The following BBS9 variants were observed in gnomAD, a reference collection of about 807,000 sequenced individuals.
BBS9 encodes Bardet-Biedl syndrome 9.
BBS9 carries 89 observed loss-of-function variants against 117.7 expected under a neutral mutation model. That is an observed-to-expected ratio of 0.76 (90% CI 0.64 to 0.90). The LOEUF (loss-of-function observed/expected upper bound fraction) is 0.90, where lower values mean the gene tolerates loss of function less well. BBS9 is among the 40% of genes least tolerant of loss of function. The probability of loss-of-function intolerance (pLI) is 0.00; values close to 1 mark genes in which losing one functional copy is unlikely to be tolerated. For synonymous variants in BBS9, 379 were observed against 370.9 expected, an observed-to-expected ratio of 1.02 and a Z score of -0.25; for missense variants, 982 against 1,042.2, an observed-to-expected ratio of 0.94 and a Z score of 0.80.
intron 19 of BBS9, among the ~76,000 whole-genome samples, chr7:33,408,034 C>T (rs1830373947): frequency 1.3e-5 from 2 of 152,214 alleles, no homozygotes; most frequent in African/African-American, 4.8e-5. Flanking sequence ...TGCCCTGCCC[C>T]CAGAGGTGGA....
intron 17 of BBS9, among the ~76,000 whole-genome samples, chr7:33,377,644 G>C (rs1234824773): frequency 6.6e-6 from 1 of 152,046 alleles, no homozygotes; most frequent in African/African-American, 2.4e-5. Flanking sequence ...GATTCTTCCT[G>C]TTCATGAGCA....
chr7:33,359,706 G>GT (rs1258392930), intron 16 of BBS9, among the ~76,000 whole-genome samples: 6 of 151,630 alleles, frequency 4.0e-5, no homozygotes, highest in African/African-American at 1.2e-4. Context: ...TTCTGTGTCT[G>GT]TTTTTTTTAA....
chr7:33,609,712 T>C (rs1864764454), downstream of BBS9, among the ~76,000 whole-genome samples: 1 of 152,148 alleles, frequency 6.6e-6, no homozygotes, highest in African/African-American at 2.4e-5. Context: ...TTTATGCTTC[T>C]GGTGCCAGGC....
intron 19 of BBS9, among the ~76,000 whole-genome samples, chr7:33,452,465 A>AG (rs1563196527): frequency 6.6e-6 from 1 of 152,176 alleles, no homozygotes; most frequent in Non-Finnish European, 1.5e-5. Flanking sequence ...AAAGTGCTGT[A>AG]TATCCTCACT....
At chr7:33,284,824 A>G (rs569792220) in intron 9 of BBS9, among the ~76,000 whole-genome samples, 3 of 152,128 alleles carry the variant, frequency 2.0e-5, no homozygotes, top group Admixed American at 6.5e-5. Context: ...GGTCTTTTCT[A>G]TGTCTACAGT....
At chr7:33,308,886 A>G (rs144269910) in intron 9 of BBS9, among the ~76,000 whole-genome samples, 131 of 152,334 alleles carry the variant, frequency 8.6e-4, no homozygotes, top group African/African-American at 3.0e-3. Flanking sequence ...AAAGAAAATG[A>G]AGCATTTTTA....
At chr7:33,516,647 T>TCTTGGAGTA (rs1287033542) in intron 20 of BBS9, among the ~76,000 whole-genome samples, 2 of 152,194 alleles carry the variant, frequency 1.3e-5, no homozygotes, top group Non-Finnish European at 2.9e-5. Context: ...TGACTTCCTA[T>TCTTGGAGTA]CTTGGAGTAG....
In BBS9 at chr7:33,550,032, G is replaced by T. The variant is rs187770446; in HGVS notation, c.2521+15856G>T. Among the ~76,000 whole-genome samples, 27 of 143,382 alleles carry T rather than the reference G, an allele frequency of 1.9e-4. No homozygotes were observed. The East Asian group carries it at 5.1e-3, about 27-fold the overall frequency. 94.1% of individuals were successfully genotyped at this position (143,382 alleles called of 152,430 possible). The stretch of plus-strand genomic sequence containing the variant: ...GGCTCTAAAAATAAAATCATGAAGG[G>T]ATTTCTACTGATTCATATAACAATT... On this transcript the variant is annotated intron_variant, in intron 21 of 22. Transcript: ENST00000242067.
chr7:33,190,571 C>A (rs1783956912), intron 5 of BBS9, among the ~76,000 whole-genome samples: 2 of 152,150 alleles, frequency 1.3e-5, no homozygotes, highest in Admixed American at 1.3e-4. Flanking sequence ...GTGATCAGAT[C>A]TGGTTTCTCT....
intron 19 of BBS9, among the ~76,000 whole-genome samples, chr7:33,405,905 A>G (rs572696866): frequency 6.6e-6 from 1 of 151,374 alleles, no homozygotes; most frequent in African/African-American, 2.4e-5. Context: ...TGTGTTTGCT[A>G]TTGCTTTTCT....
chr7:33,404,229 C>T (rs1475157666), intron 19 of BBS9, among the ~76,000 whole-genome samples: 1 of 152,048 alleles, frequency 6.6e-6, no homozygotes, highest in Non-Finnish European at 1.5e-5. Context: ...CAGTACCATG[C>T]TGTTTTGGTT....
intron 7 of BBS9, among the ~76,000 whole-genome samples, chr7:33,267,827 A>G (rs1799084483): frequency 1.3e-5 from 2 of 152,176 alleles, no homozygotes; most frequent in Admixed American, 6.5e-5. Flanking sequence ...GTATAATTCC[A>G]TCTTTCCATC....
At chr7:33,165,297 A>G (rs1245617927) in intron 4 of BBS9, among the ~76,000 whole-genome samples, 5 of 151,976 alleles carry the variant, frequency 3.3e-5, no homozygotes, top group Non-Finnish European at 7.4e-5. Context: ...GAATCTGACA[A>G]TTATGTGTCT....
chr7:33,215,229 C>G (rs1416517255), intron 5 of BBS9, among the ~76,000 whole-genome samples: 1 of 152,144 alleles, frequency 6.6e-6, no homozygotes, highest in Non-Finnish European at 1.5e-5. Flanking sequence ...CATCGCACTA[C>G]TTGACTTCAA....
At chr7:33,180,870 C>T (rs934798272) in intron 5 of BBS9, among the ~76,000 whole-genome samples, 1 of 151,902 alleles carries the variant, frequency 6.6e-6, no homozygotes, top group African/African-American at 2.4e-5. Flanking sequence ...AGGCTAGCAA[C>T]CTGGGGAAAA....
intron 21 of BBS9, among the ~76,000 whole-genome samples, chr7:33,595,934 C>T (rs1445088855): frequency 6.6e-6 from 1 of 151,986 alleles, no homozygotes; most frequent in Admixed American, 6.6e-5. Context: ...GAAAACCAAA[C>T]ACCACATGTT....
At chr7:33,400,867 G>A (rs562927628) in intron 19 of BBS9, among the ~76,000 whole-genome samples, 2 of 152,250 alleles carry the variant, frequency 1.3e-5, no homozygotes, top group Non-Finnish European at 2.9e-5. Flanking sequence ...CTAGCAGTAG[G>A]AAAAGTGATT....
At position 33,561,964 on chromosome 7, in the gene BBS9, A is replaced by C. The variant is rs374275714; in HGVS notation, c.2521+27788A>C. 1.1e-3 allele frequency among the ~76,000 whole-genome samples: 165 copies of C among 152,348 alleles called. 6 individuals are homozygous for C. The South Asian group carries it at 0.033, about 31-fold the overall frequency. On this transcript the variant is annotated intron_variant, in intron 21 of 22. Coordinates refer to ENST00000242067, the MANE Select transcript of BBS9 (RefSeq NM_198428.3). The stretch of plus-strand genomic sequence containing the variant: ...AATAGTCTTTTCTTTCTTGAAAAAT[A>C]GTCGTTATTAATTTTACCCCTTAAC...
chr7:33,374,441 C>T (rs1462321844), intron 17 of BBS9, among the ~76,000 whole-genome samples: 1 of 151,378 alleles, frequency 6.6e-6, no homozygotes, highest in African/African-American at 2.5e-5. Flanking sequence ...TACAGTGATT[C>T]AGCAATATAT....
Sources: allele counts gnomAD v4.1 joint callset (sites outside exome capture counted in the v4.1 genomes callset), GRCh38; gene constraint gnomAD v4.1.1; transcripts MANE v1.5; gene names NCBI Gene and HGNC (gene_info 2026-07-23, HGNC 2026-07-21).